The following SHANK2 variants were observed in gnomAD, a reference collection of about 807,000 sequenced individuals.
SHANK2 encodes the protein SH3 and multiple ankyrin repeat domains 2.
SHANK2 carries 43 observed loss-of-function variants against 133.7 expected under a neutral mutation model. That is an observed-to-expected ratio of 0.32 (90% CI 0.25 to 0.41). SHANK2 has a LOEUF of 0.41. SHANK2 is among the 10% of genes least tolerant of loss of function. SHANK2 has a pLI of 1.00. For missense variants in SHANK2, 1,994 were observed against 2,235.8 expected (o/e 0.89, Z 2.18); for synonymous variants, 1,017 against 952.8 (o/e 1.07, Z -1.24).
chr11:70,781,706 GTA>G (rs1947500358), intron 14 of SHANK2, among the ~76,000 whole-genome samples: 1 of 147,978 alleles, frequency 6.8e-6, no homozygotes, highest in Non-Finnish European at 1.5e-5. Context: ...TTTACATTAG[GTA>G]TATCTCCTAA....
Position 70,486,163 on chromosome 11 carries a change from G to A in SHANK2, c.4130C>T (p.Ala1377Val), listed in dbSNP as rs782311249. The A allele has an allele frequency of 1.7e-5, 27 of 1,613,708 alleles. No homozygotes were observed. Among genetic ancestry groups the A allele is most frequent in the African/African-American group, 4.0e-5 (3 of 74,914 alleles). The change falls in exon 25 of 26, where the codon GCG (alanine) becomes GTG (valine). Residue 1377 changes from alanine (A) to valine (V), a missense_variant. By Grantham distance (64) the Ala-to-Val change is moderately conservative. This residue lies in a region of SHANK2 where 797 missense variants were observed against 907.4 expected (regional missense o/e 0.88). Coordinates refer to ENST00000601538, the MANE Select transcript of SHANK2 (RefSeq NM_012309.5). The surrounding 1 kb of genome is among the most constrained non-coding windows in gnomAD (Gnocchi z 8.0). ...PTTVPGRTIV[A>V]VGSMEEAVIL... ...CACCGCCTCTTCCATGGAGCCCACC[G>A]CGACGATGGTTCTGCCGGGCACGGT...
chr11:70,673,253 A>G (rs1178031832), intron 15 of SHANK2, among the ~76,000 whole-genome samples: 1 of 152,008 alleles, frequency 6.6e-6, no homozygotes, highest in Non-Finnish European at 1.5e-5. Context: ...GCCAAGTCAC[A>G]CTGAAGCCTC....
chr11:71,189,429 C>T (rs1426366721), intron 2 of SHANK2, among the ~76,000 whole-genome samples: 3 of 152,214 alleles, frequency 2.0e-5, no homozygotes, highest in African/African-American at 4.8e-5. Context: ...TTGAGTCCCA[C>T]CCTGTTGTCC....
At chr11:70,806,512 C>A (rs943350237) in intron 13 of SHANK2, among the ~76,000 whole-genome samples, 1 of 152,230 alleles carries the variant, frequency 6.6e-6, no homozygotes, top group South Asian at 2.1e-4. Context: ...ACAATGGCCC[C>A]CCCAGAGGCT....
chr11:70,945,589 C>A (rs1391649896), intron 10 of SHANK2, among the ~76,000 whole-genome samples: 5 of 152,216 alleles, frequency 3.3e-5, no homozygotes, highest in Admixed American at 1.3e-4. Flanking sequence ...GCCTGCCAGG[C>A]CTTCAGCATC....
At chr11:71,140,678 C>T (rs782157544) in intron 3 of SHANK2, among the ~76,000 whole-genome samples, 3 of 152,222 alleles carry the variant, frequency 2.0e-5, no homozygotes, top group East Asian at 1.9e-4. Flanking sequence ...CCGGGCTGAA[C>T]GCCAACCCGC....
At chr11:70,677,470 A>G (rs899327424) in intron 15 of SHANK2, among the ~76,000 whole-genome samples, 2 of 152,092 alleles carry the variant, frequency 1.3e-5, no homozygotes, top group Admixed American at 6.5e-5. Context: ...CTTCCCTCTG[A>G]CCTTCCATGA....
intron 10 of SHANK2, among the ~76,000 whole-genome samples, chr11:70,910,311 G>A (rs1555078722): frequency 2.0e-5 from 3 of 152,246 alleles, no homozygotes; most frequent in South Asian, 4.2e-4. Context: ...AGGGTCCCCC[G>A]CAAACACCCA....
chr11:71,239,451 G>A (rs1954862136), intron 1 of SHANK2, among the ~76,000 whole-genome samples: 1 of 152,108 alleles, frequency 6.6e-6, no homozygotes, highest in African/African-American at 2.4e-5. Context: ...TTACTGCACT[G>A]TTAATGGTAA....
intron 8 of SHANK2, among the ~76,000 whole-genome samples, chr11:71,089,503 C>T (rs1214465895): frequency 1.3e-5 from 2 of 151,934 alleles, no homozygotes; most frequent in South Asian, 4.2e-4. Context: ...GGTTTCCCCC[C>T]ACGGGAACAC....
intron 16 of SHANK2, 144 bp from the exon 17 acceptor site, chr11:70,660,096 G>A (rs1555012875): frequency 9.0e-6 from 9 of 1,001,994 alleles, no homozygotes; most frequent in Non-Finnish European, 1.4e-5. Flanking sequence ...CTCTCCCCCA[G>A]GAAGGGCTTG....
chr11:70,828,509 C>T (rs782391642), intron 11 of SHANK2, among the ~76,000 whole-genome samples: 16 of 152,268 alleles, frequency 1.1e-4, no homozygotes, highest in Admixed American at 2.6e-4. Context: ...TGCACCTCCT[C>T]GGACACTCTG....
At chr11:70,928,527 C>T (rs1304611950) in intron 10 of SHANK2, among the ~76,000 whole-genome samples, 1 of 151,988 alleles carries the variant, frequency 6.6e-6, no homozygotes, top group African/African-American at 2.4e-5. Flanking sequence ...ATGTGGAACA[C>T]GAGATGGGAT....
At chr11:70,880,899 G>C (rs1206161558) in intron 11 of SHANK2, among the ~76,000 whole-genome samples, 1 of 152,212 alleles carries the variant, frequency 6.6e-6, no homozygotes, top group Non-Finnish European at 1.5e-5. Flanking sequence ...TTCTCGCTGG[G>C]TCTGTGAGTC....
At chr11:70,501,869 G>C in intron 20 of SHANK2, 54 bp downstream of exon 20, 1 of 1,546,828 alleles carries the variant, frequency 6.5e-7, no homozygotes, top group Non-Finnish European at 8.8e-7. Flanking sequence ...ATGTCAGTGG[G>C]GGTGCCCTAG....
chr11:70,502,317 C>A, intron 18 of SHANK2, 31 bp from the exon 19 acceptor site: 2 of 1,541,022 alleles, frequency 1.3e-6, no homozygotes, highest in East Asian at 2.4e-5. Flanking sequence ...GGGTGTGAGA[C>A]CCCAGCCCAT....
chr11:70,908,025 C>T (rs76897545), intron 10 of SHANK2: 16,581 of 408,320 alleles, frequency 0.041, 682 homozygotes, highest in African/African-American at 0.11. Context: ...CGCTTGAACC[C>T]GGGAAGTGGA....
chr11:70,518,663 A>C (rs1298679708), intron 17 of SHANK2, among the ~76,000 whole-genome samples: 1 of 152,154 alleles, frequency 6.6e-6, no homozygotes, highest in Non-Finnish European at 1.5e-5. Context: ...TGCATCCAGG[A>C]GCCCTTTGCA....
rs1565166402 is a variant in SHANK2 at position 70,599,913 on chromosome 11, AAGAAAGAAAGAAAG to A, written c.2061+59901_2061+59914del. Among the ~76,000 whole-genome samples the A allele has an allele frequency of 3.6e-3, 258 of 71,820 alleles. 3 individuals carry two copies. The highest frequency in any genetic ancestry group is 5.9e-3 in the Non-Finnish European group (206 of 34,996). 47.1% of individuals were successfully genotyped at this position (71,820 alleles called of 152,430 possible). A position where few individuals can be genotyped will look rare whatever the true frequency, so the allele number is the denominator to read the frequency against. On this transcript the variant is annotated intron_variant, in intron 17 of 25. Transcript: ENST00000601538. ...AAAAAGAAAGAAAGAAAGAGAAAGA[AAGAAAGAAAGAAAG>A]AAAGAAAGAAAGAAAGAAAGAAAGA...
Sources: allele counts gnomAD v4.1 joint callset (sites outside exome capture counted in the v4.1 genomes callset), GRCh38; gene constraint gnomAD v4.1.1; regional missense constraint gnomAD v4.1.1; non-coding constraint Gnocchi (gnomAD v3.1); transcripts MANE v1.5; gene names NCBI Gene and HGNC (gene_info 2026-07-23, HGNC 2026-07-21).